The following SOBP variants were observed in gnomAD, a reference collection of about 807,000 sequenced individuals.
SOBP encodes the protein sine oculis binding protein homolog.
A neutral mutation model predicts 53.6 loss-of-function variants in SOBP; 4 were observed. The observed-to-expected ratio is 0.07, with a 90% CI of 0.04 to 0.17. The LOEUF (loss-of-function observed/expected upper bound fraction) is 0.17, where lower values mean the gene tolerates loss of function less well. SOBP is among the 10% of genes least tolerant of loss of function. The pLI is 1.00. For synonymous variants in SOBP, 584 were observed against 522.6 expected, an observed-to-expected ratio of 1.12 and a Z score of -1.60; for missense variants, 1,088 against 1,204.7, an observed-to-expected ratio of 0.90 and a Z score of 1.43.
intron 4 of SOBP, among the ~76,000 whole-genome samples, chr6:107,554,467 C>G (rs1784551215): frequency 6.6e-6 from 1 of 152,218 alleles, no homozygotes; most frequent in Admixed American, 6.5e-5. Flanking sequence ...CTTAACAGAA[C>G]TCCTTACTCC....
At chr6:107,613,258 C>T (rs1786664391) in intron 5 of SOBP, among the ~76,000 whole-genome samples, 2 of 152,334 alleles carry the variant, frequency 1.3e-5, no homozygotes, top group African/African-American at 4.8e-5. Flanking sequence ...CATCTTATTT[C>T]TGCTGCCAAG....
At chr6:107,637,052 AC>A (rs2115154354) in intron 6 of SOBP, among the ~76,000 whole-genome samples, 1 of 152,196 alleles carries the variant, frequency 6.6e-6, no homozygotes, top group Non-Finnish European at 1.5e-5. Context: ...AAATTGTTTT[AC>A]CCACCTCAGT....
intron 3 of SOBP, among the ~76,000 whole-genome samples, chr6:107,511,014 A>G (rs1450721151): frequency 6.6e-6 from 1 of 152,048 alleles, no homozygotes; most frequent in Admixed American, 6.5e-5. Context: ...AGTTTATGAA[A>G]TTTATTCACA....
intron 4 of SOBP, among the ~76,000 whole-genome samples, chr6:107,578,258 CTGTTA>C (rs886438478): frequency 7.0e-6 from 1 of 143,222 alleles, no homozygotes; most frequent in East Asian, 2.3e-4. Flanking sequence ...TCCCCCCATT[CTGTTA>C]TATTTGTCAT....
intron 3 of SOBP, among the ~76,000 whole-genome samples, chr6:107,512,595 G>C (rs1367965506): frequency 6.6e-6 from 1 of 152,224 alleles, no homozygotes; most frequent in African/African-American, 2.4e-5. Context: ...TGCAGAGGTA[G>C]GGCAGGTTTG....
At chr6:107,496,011 C>T (rs1583138782) in intron 1 of SOBP, among the ~76,000 whole-genome samples, 1 of 151,956 alleles carries the variant, frequency 6.6e-6, no homozygotes, top group East Asian at 1.9e-4. Context: ...ACACGGAAGA[C>T]TTTGTTTTTG....
intron 2 of SOBP, among the ~76,000 whole-genome samples, chr6:107,504,386 C>T (rs946060816): frequency 3.9e-5 from 6 of 152,194 alleles, no homozygotes; most frequent in Admixed American, 3.3e-4. Flanking sequence ...TTAATCAAAG[C>T]CCAGCTAAAG....
At chr6:107,521,578 G>A (rs978041567) in intron 3 of SOBP, among the ~76,000 whole-genome samples, 1 of 152,118 alleles carries the variant, frequency 6.6e-6, no homozygotes, top group Non-Finnish European at 1.5e-5. Context: ...CCCATCTAAG[G>A]AATCCCAAGT....
chr6:107,605,728 G>A (rs901219760), intron 5 of SOBP, among the ~76,000 whole-genome samples: 7 of 152,280 alleles, frequency 4.6e-5, no homozygotes, highest in Non-Finnish European at 7.4e-5. Flanking sequence ...GCTGTGGCCC[G>A]TTCTTTCATG....
At chr6:107,595,842 A>G (rs1785928543) in intron 5 of SOBP, among the ~76,000 whole-genome samples, 1 of 152,212 alleles carries the variant, frequency 6.6e-6, no homozygotes, top group African/African-American at 2.4e-5. Flanking sequence ...TGGTAAGGCA[A>G]TTTTAAAAGG....
At chr6:107,655,939 T>C (rs1048330166) in intron 6 of SOBP, among the ~76,000 whole-genome samples, 1 of 152,194 alleles carries the variant, frequency 6.6e-6, no homozygotes, top group Non-Finnish European at 1.5e-5. Context: ...CATCCCTAAG[T>C]AAGCAATTCA....
intron 5 of SOBP, among the ~76,000 whole-genome samples, chr6:107,612,762 T>C (rs1225021629): frequency 2.0e-5 from 3 of 152,138 alleles, no homozygotes; most frequent in Admixed American, 2.0e-4. Flanking sequence ...CTCCCTCCAA[T>C]CCCCAGCCCC....
At chr6:107,515,985 C>A (rs568166427) in intron 3 of SOBP, among the ~76,000 whole-genome samples, 1 of 151,956 alleles carries the variant, frequency 6.6e-6, no homozygotes, top group South Asian at 2.1e-4. Flanking sequence ...AAAGTAATAG[C>A]TGCAGCAACA....
At chr6:107,500,601 A>G (rs1782813363) in intron 1 of SOBP, among the ~76,000 whole-genome samples, 1 of 151,546 alleles carries the variant, frequency 6.6e-6, no homozygotes, top group African/African-American at 2.4e-5. Flanking sequence ...GGCTCACTGC[A>G]AGCTCCGCCT....
At chr6:107,515,491 G>A (rs1783290826) in intron 3 of SOBP, among the ~76,000 whole-genome samples, 3 of 152,336 alleles carry the variant, frequency 2.0e-5, no homozygotes, top group East Asian at 1.9e-4. Context: ...GCTCACACCT[G>A]TAATCCTAGC....
intron 6 of SOBP, among the ~76,000 whole-genome samples, chr6:107,636,770 C>T (rs566636493): frequency 3.3e-5 from 5 of 152,160 alleles, no homozygotes; most frequent in East Asian, 1.9e-4. Context: ...GAGTGGATCT[C>T]GTAAGATGAA....
intron 3 of SOBP, among the ~76,000 whole-genome samples, chr6:107,512,732 AT>A (rs112958673): frequency 0.016 from 2,476 of 151,326 alleles, 77 homozygotes; most frequent in African/African-American, 0.053. Flanking sequence ...TGCTCCCAAA[AT>A]TTTTTTTTTA....
chr6:107,651,300 A>T (rs1309335620), intron 6 of SOBP, among the ~76,000 whole-genome samples: 1 of 152,218 alleles, frequency 6.6e-6, no homozygotes, highest in Non-Finnish European at 1.5e-5. Context: ...TCCAGTGAAG[A>T]CACAAATGAT....
intron 6 of SOBP, among the ~76,000 whole-genome samples, chr6:107,646,939 G>A (rs1771585149): frequency 6.6e-6 from 1 of 152,208 alleles, no homozygotes; most frequent in Non-Finnish European, 1.5e-5. Flanking sequence ...TAATGAGATT[G>A]CTGTAAGAGA....
Sources: gnomAD v4.1 joint callset for allele counts (sites outside exome capture counted in the v4.1 genomes callset) on GRCh38, gnomAD v4.1.1 for gene constraint, MANE v1.5 for transcripts, NCBI Gene and HGNC (gene_info 2026-07-23, HGNC 2026-07-21) for gene names.